The following GUCY2F variants were observed in gnomAD, a reference collection of about 807,000 sequenced individuals.
GUCY2F encodes the protein retinal guanylyl cyclase 2.
Under a neutral mutation model 73.1 loss-of-function variants are expected in GUCY2F, and 61 were observed. The observed-to-expected ratio is 0.83, with a 90% CI of 0.68 to 1.03. The LOEUF is 1.03. Among genes scored for constraint, GUCY2F ranks in the 50% least tolerant of loss-of-function variants. The pLI is 0.00. For synonymous variants in GUCY2F, 331 were observed against 307.8 expected, an observed-to-expected ratio of 1.08 and a Z score of -0.79; for missense variants, 912 against 854.3, an observed-to-expected ratio of 1.07 and a Z score of -0.84.
At chrX:109,381,658 G>A (rs1023646301) in intron 17 of GUCY2F, among the ~76,000 whole-genome samples, 1 of 112,367 alleles carries the variant, frequency 8.9e-6, no homozygotes, top group African/African-American at 3.2e-5. Context: ...GAAAGAAAAA[G>A]TCTCTCTGCA....
chrX:109,470,482 T>C (rs746154437), intron 2 of GUCY2F, among the ~76,000 whole-genome samples: 1 of 111,684 alleles, frequency 9.0e-6, no homozygotes, highest in Non-Finnish European at 1.9e-5. Flanking sequence ...TTGAGGCACA[T>C]AAAAGAATTG....
intron 19 of GUCY2F, 57 bp downstream of exon 19, chrX:109,375,841 G>T: frequency 2.4e-6 from 2 of 835,094 alleles, no homozygotes; most frequent in African/African-American, 2.0e-5. Context: ...GCCAAAGGAA[G>T]CCCCAGATTT....
At chrX:109,412,666 C>A (rs376616208) in intron 8 of GUCY2F, among the ~76,000 whole-genome samples, 2 of 112,573 alleles carry the variant, frequency 1.8e-5, no homozygotes, top group East Asian at 5.5e-4. Flanking sequence ...TGTATTTTCT[C>A]TTCTTCTTGG....
At chrX:109,395,613 C>T (rs940410642) in intron 11 of GUCY2F, 124 bp from the exon 12 acceptor site, 6 of 529,238 alleles carry the variant, frequency 1.1e-5, no homozygotes, top group African/African-American at 9.3e-5. Flanking sequence ...GGGCCATCTC[C>T]TTTGCTCTCT....
chrX:109,465,270 G>C lies in GUCY2F; in HGVS notation c.904C>G (p.Pro302Ala). ...GCATCATAGGCTTCCCGGAGCTTTG[G>C]GTTGTTCCTTAGGACCCGGTAGGGG... ...HTPYRVLRNN[P>A]KLREAYDAVL... The change falls in exon 3 of 20, where the codon CCA becomes GCA. Residue 302 changes from proline (P) to alanine (A), a missense_variant. By Grantham distance (27) the Pro-to-Ala change is conservative. Coordinates refer to ENST00000218006, the MANE Select transcript of GUCY2F (RefSeq NM_001522.3). 2 of 1,210,175 alleles carry C rather than the reference G, an allele frequency of 1.7e-6. No individual in the cohort carries two copies. Among genetic ancestry groups the C allele is most frequent in the Non-Finnish European group, 2.2e-6 (2 of 894,046 alleles).
In GUCY2F at chrX:109,398,004, C is replaced by G. The variant is rs780215638; in HGVS notation, c.2275+545G>C. Among the ~76,000 whole-genome samples, 5 of 111,399 alleles carry G rather than the reference C, an allele frequency of 4.5e-5. No individual in the cohort carries two copies. The South Asian group carries it at 1.9e-3, about 43-fold the overall frequency. ...GTCTACAGGATCCTCTACTTGTAAA[C>G]TCTGTTTTTTCCATTTGCAATTTGT... On this transcript the variant is annotated intron_variant, in intron 11 of 19. Coordinates refer to ENST00000218006, the MANE Select transcript of GUCY2F (RefSeq NM_001522.3).
At chrX:109,380,660 G>A (rs1402556719) in intron 17 of GUCY2F, among the ~76,000 whole-genome samples, 1 of 111,733 alleles carries the variant, frequency 8.9e-6, no homozygotes, top group Non-Finnish European at 1.9e-5. Flanking sequence ...CCTGGGGTTG[G>A]GGAAACCATG....
chrX:109,428,388 A>C (rs994321960), intron 8 of GUCY2F, among the ~76,000 whole-genome samples: 7 of 112,188 alleles, frequency 6.2e-5, no homozygotes, highest in Non-Finnish European at 1.3e-4. Context: ...TTCCGGCTGA[A>C]GATGCATAGT....
At chrX:109,383,037 T>TA (rs200063358) in intron 16 of GUCY2F, among the ~76,000 whole-genome samples, 229 of 109,692 alleles carry the variant, frequency 2.1e-3, no homozygotes, top group African/African-American at 2.8e-3. Flanking sequence ...TCATTTTTTT[T>TA]AAAAAAAAAG....
At chrX:109,461,702 T>C (rs560013243) in intron 3 of GUCY2F, among the ~76,000 whole-genome samples, 1 of 112,326 alleles carries the variant, frequency 8.9e-6, no homozygotes, top group South Asian at 3.7e-4. Flanking sequence ...ACTACTACTA[T>C]CATGCCTGAT....
chrX:109,440,681 A>T, intron 7 of GUCY2F, among the ~76,000 whole-genome samples: 1 of 111,945 alleles, frequency 8.9e-6, no homozygotes. Flanking sequence ...CCCCCTGCTT[A>T]ACTCATTCCT....
chrX:109,470,637 G>A (rs915851487), intron 2 of GUCY2F, among the ~76,000 whole-genome samples: 1 of 111,398 alleles, frequency 9.0e-6, no homozygotes, highest in Middle Eastern at 4.6e-3. Context: ...AGTGTGGTCC[G>A]TGGACCAGCA....
intron 10 of GUCY2F, among the ~76,000 whole-genome samples, chrX:109,402,197 A>T (rs909693857): frequency 9.0e-6 from 1 of 110,782 alleles, no homozygotes; most frequent in Non-Finnish European, 1.9e-5. Flanking sequence ...GAGTAATATG[A>T]TAAGAGGGAG....
intron 1 of GUCY2F, among the ~76,000 whole-genome samples, chrX:109,477,269 G>A (rs1932717184): frequency 9.0e-6 from 1 of 111,582 alleles, no homozygotes. Flanking sequence ...TGAAAAGAAA[G>A]GAGGACTCTA....
At chrX:109,424,020 A>G (rs946823912) in intron 8 of GUCY2F, among the ~76,000 whole-genome samples, 2 of 112,211 alleles carry the variant, frequency 1.8e-5, no homozygotes, top group African/African-American at 6.5e-5. Flanking sequence ...AAAAAAACAT[A>G]AATTATCAGT....
chrX:109,384,516 T>C (rs1930390135), intron 16 of GUCY2F, among the ~76,000 whole-genome samples: 1 of 112,022 alleles, frequency 8.9e-6, no homozygotes, highest in Non-Finnish European at 1.9e-5. Context: ...AAATGGCATA[T>C]GGTTTGTACA....
intron 8 of GUCY2F, among the ~76,000 whole-genome samples, chrX:109,411,324 G>A (rs1333608788): frequency 2.8e-5 from 3 of 109,060 alleles, no homozygotes; most frequent in Non-Finnish European, 3.8e-5. Flanking sequence ...GAGAGGTTAG[G>A]TCCCACCCAC....
chrX:109,405,481 G>A (rs1308401384), intron 9 of GUCY2F, among the ~76,000 whole-genome samples: 8 of 112,222 alleles, frequency 7.1e-5, no homozygotes, highest in East Asian at 5.5e-4. Context: ...CAGGACTCTC[G>A]TTCAGATGGA....
At chrX:109,457,955 C>T (rs1240691396) in intron 3 of GUCY2F, among the ~76,000 whole-genome samples, 1 of 111,464 alleles carries the variant, frequency 9.0e-6, no homozygotes, top group Non-Finnish European at 1.9e-5. Flanking sequence ...GGCATCAAAC[C>T]CTAATTCAGA....
Sources: gnomAD v4.1 joint callset for allele counts (sites outside exome capture counted in the v4.1 genomes callset) on GRCh38, gnomAD v4.1.1 for gene constraint, MANE v1.5 for transcripts, NCBI Gene and HGNC (gene_info 2026-07-23, HGNC 2026-07-21) for gene names.